Variants in PLEKHH2 observed in about 807,000 individuals in gnomAD.
PLEKHH2 encodes pleckstrin homology, MyTH4 and FERM domain containing H2, also known as pleckstrin homology domain-containing family H member 2.
Under a neutral mutation model 187.9 loss-of-function variants are expected in PLEKHH2, and 129 were observed. That is an observed-to-expected ratio of 0.69 (90% confidence interval 0.59 to 0.79). The LOEUF (loss-of-function observed/expected upper bound fraction) is 0.79. PLEKHH2 is among the 30% of genes least tolerant of loss of function. PLEKHH2 has a pLI of 0.00. For synonymous variants in PLEKHH2, 686 were observed against 605.6 expected (o/e 1.13, Z -1.95); for missense variants, 2,076 against 1,751.2 (o/e 1.19, Z -3.31).
intron 19 of PLEKHH2, among the ~76,000 whole-genome samples, chr2:43,735,695 T>C (rs896297046): frequency 1.3e-5 from 2 of 152,194 alleles, no homozygotes; most frequent in Non-Finnish European, 2.9e-5. Context: ...GCTCCAATAA[T>C]ATATGCAGCT....
At chr2:43,655,190 A>T (rs1022395054) in intron 2 of PLEKHH2, among the ~76,000 whole-genome samples, 4 of 151,524 alleles carry the variant, frequency 2.6e-5, no homozygotes, top group Non-Finnish European at 4.4e-5. Flanking sequence ...AATAAAAATA[A>T]AATAATAATA....
At chr2:43,764,918 A>T (rs1041780332) in intron 29 of PLEKHH2, among the ~76,000 whole-genome samples, 1 of 152,258 alleles carries the variant, frequency 6.6e-6, no homozygotes, top group African/African-American at 2.4e-5. Context: ...CTACAACTTT[A>T]GCTGTCTTAA....
chr2:43,675,142 C>T (rs938863512), intron 2 of PLEKHH2: 15 of 379,820 alleles, frequency 3.9e-5, no homozygotes, highest in Non-Finnish European at 5.6e-5. Context: ...AATTAAAAAG[C>T]AGGTGAAATT....
chr2:43,656,863 CA>C (rs1666796114), intron 2 of PLEKHH2, among the ~76,000 whole-genome samples: 1 of 151,980 alleles, frequency 6.6e-6, no homozygotes, highest in Non-Finnish European at 1.5e-5. Flanking sequence ...ACTAAAAATA[CA>C]AAAAATTAGC....
chr2:43,678,176 A>G (rs1469137100), intron 2 of PLEKHH2, among the ~76,000 whole-genome samples: 1 of 150,758 alleles, frequency 6.6e-6, no homozygotes, highest in African/African-American at 2.5e-5. Flanking sequence ...GAGGCTCCTC[A>G]CTTCCTAGAT....
Position 43,700,109 on chromosome 2 carries a change from A to C in PLEKHH2, c.1151A>C (p.Asp384Ala), listed in dbSNP as rs774941740. 6.2e-7 allele frequency: 1 copy of C among 1,614,180 alleles called. No individual in the cohort carries two copies. Among genetic ancestry groups the C allele is most frequent in the South Asian group, 1.1e-5 (1 of 91,082 alleles). Residue 384 changes from aspartate to alanine, a missense_variant, in exon 8 of 30, where the codon GAT (aspartate) becomes GCT (alanine). Coordinates refer to ENST00000282406, the MANE Select transcript of PLEKHH2 (RefSeq NM_172069.4). ...AAAAAGGAACAAGATAGTTCCTCGG[A>C]TGAACTGAATAAAAAATTTCAATCC... ...LSKKEQDSSS[D>A]ELNKKFQSQR...
chr2:43,715,431 C>G (rs1670169074), intron 15 of PLEKHH2, among the ~76,000 whole-genome samples: 1 of 152,124 alleles, frequency 6.6e-6, no homozygotes, highest in South Asian at 2.1e-4. Flanking sequence ...TATTTGAAAC[C>G]CTGCAGGGTT....
intron 24 of PLEKHH2, among the ~76,000 whole-genome samples, chr2:43,750,006 A>G (rs1242394100): frequency 6.6e-6 from 1 of 152,228 alleles, no homozygotes; most frequent in Non-Finnish European, 1.5e-5. Flanking sequence ...AATTCTATTC[A>G]TAGTTAAGCT....
chr2:43,709,915 T>C, intron 11 of PLEKHH2, 75 bp from the exon 12 acceptor site: 1 of 1,365,384 alleles, frequency 7.3e-7, no homozygotes, highest in Non-Finnish European at 1.0e-6. Context: ...TTGCATTCTG[T>C]AGGAGCACTC....
At chr2:43,764,149 G>GC in intron 28 of PLEKHH2, 79 bp from the exon 29 acceptor site, 1 of 837,374 alleles carries the variant, frequency 1.2e-6, no homozygotes, top group Non-Finnish European at 1.7e-6. Context: ...CCTTTTAATG[G>GC]AGATATATTA....
chr2:43,648,337 T>C (rs112925553), intron 2 of PLEKHH2, among the ~76,000 whole-genome samples: 3,639 of 151,978 alleles, frequency 0.024, 70 homozygotes, highest in Non-Finnish European at 0.041. Flanking sequence ...TACAGGCACA[T>C]ACCACCACGC....
At chr2:43,637,933 T>A (rs1052548818) in intron 1 of PLEKHH2, among the ~76,000 whole-genome samples, 2 of 152,240 alleles carry the variant, frequency 1.3e-5, no homozygotes, top group Non-Finnish European at 2.9e-5. Flanking sequence ...AGTGGGGCAC[T>A]TTTTAAAGGA....
At chr2:43,670,141 A>C (rs1048555956) in intron 2 of PLEKHH2, among the ~76,000 whole-genome samples, 1 of 151,878 alleles carries the variant, frequency 6.6e-6, no homozygotes, top group African/African-American at 2.4e-5. Context: ...TATTTAGGCA[A>C]AAACAAAAAC....
At chr2:43,702,527 C>CGTT (rs1348565050) in intron 8 of PLEKHH2, among the ~76,000 whole-genome samples, 1 of 57,418 alleles carries the variant, frequency 1.7e-5, no homozygotes, top group Non-Finnish European at 3.0e-5. Context: ...CATTCTACTA[C>CGTT]TTTTTTTTTT....
At position 43,710,259 on chromosome 2, in the gene PLEKHH2, G is replaced by A. The variant is rs1290752018; in HGVS notation, c.2143G>A (p.Gly715Ser). The A allele has an allele frequency of 6.2e-7, 1 of 1,614,066 alleles. No homozygotes were observed. Residue 715 changes from glycine (G) to serine (S), a missense_variant, in exon 13 of 30, where the codon GGT (glycine) becomes AGT (serine). Physicochemically the swap from Gly to Ser is moderately conservative, Grantham distance 56. Transcript: ENST00000282406. ...ATCTGGTTATTTATTAAAAATGAGT[G>A]GTAAAGTCAAGTCTTGGAAGCGGCG... ...EKSGYLLKMS[G>S]KVKSWKRRWF...
intron 24 of PLEKHH2, among the ~76,000 whole-genome samples, chr2:43,747,857 A>C (rs982280132): frequency 6.6e-6 from 1 of 152,226 alleles, no homozygotes; most frequent in East Asian, 1.9e-4. Context: ...GGCACTGTAC[A>C]ACATAAAGAA....
chr2:43,638,129 G>C (rs951116900), intron 1 of PLEKHH2, among the ~76,000 whole-genome samples: 1 of 152,144 alleles, frequency 6.6e-6, no homozygotes, highest in African/African-American at 2.4e-5. Flanking sequence ...GAGGAGCTCG[G>C]CTGTTCTGGG....
At chr2:43,759,175 A>T in intron 27 of PLEKHH2, 146 bp downstream of exon 27, 1 of 1,261,870 alleles carries the variant, frequency 7.9e-7, no homozygotes. Context: ...GACACTAGAG[A>T]AAGGGCAGAA....
intron 22 of PLEKHH2, among the ~76,000 whole-genome samples, chr2:43,743,230 T>G (rs1671649146): frequency 6.6e-6 from 1 of 152,200 alleles, no homozygotes; most frequent in South Asian, 2.1e-4. Context: ...TGGAAATAAT[T>G]ACTGATACTG....
Sources: allele counts gnomAD v4.1 joint callset (sites outside exome capture counted in the v4.1 genomes callset), GRCh38; gene constraint gnomAD v4.1.1; transcripts MANE v1.5; gene names NCBI Gene and HGNC (gene_info 2026-07-23, HGNC 2026-07-21).